Variants in FSTL5 observed in about 807,000 individuals in gnomAD.
The protein encoded by FSTL5 is follistatin-related protein 5.
Under a neutral mutation model 89.1 loss-of-function variants are expected in FSTL5, and 62 were observed. The observed-to-expected ratio is 0.70, with a 90% CI of 0.57 to 0.86. The LOEUF is 0.86. Ranked by LOEUF, FSTL5 falls within the 40% of genes least tolerant of loss-of-function variation. The pLI is 0.00. For synonymous variants in FSTL5, 383 were observed against 346.2 expected, an observed-to-expected ratio of 1.11 and a Z score of -1.18; for missense variants, 1,057 against 1,001.6, an observed-to-expected ratio of 1.06 and a Z score of -0.75.
At chr4:162,140,815 G>T (rs2111479944) in intron 1 of FSTL5, among the ~76,000 whole-genome samples, 1 of 152,244 alleles carries the variant, frequency 6.6e-6, no homozygotes, top group Non-Finnish European at 1.5e-5. Context: ...TTAAAGAATT[G>T]CTGGAGAATC....
chr4:161,806,672 C>T (rs1052861854), intron 4 of FSTL5, among the ~76,000 whole-genome samples: 1 of 152,058 alleles, frequency 6.6e-6, no homozygotes, highest in African/African-American at 2.4e-5. Context: ...ATAAATTATG[C>T]TTTTTGCAAC....
intron 15 of FSTL5, among the ~76,000 whole-genome samples, chr4:161,420,175 C>G (rs1322877433): frequency 6.6e-6 from 1 of 152,210 alleles, no homozygotes; most frequent in Non-Finnish European, 1.5e-5. Context: ...GATATAGACT[C>G]TCCAGGAACC....
chr4:161,655,166 A>G (rs1736472337), intron 7 of FSTL5, among the ~76,000 whole-genome samples: 1 of 152,170 alleles, frequency 6.6e-6, no homozygotes, highest in Non-Finnish European at 1.5e-5. Context: ...TTTCTCAACC[A>G]TAAGGGCATT....
At chr4:161,785,412 A>G (rs1741868242) in intron 4 of FSTL5, among the ~76,000 whole-genome samples, 2 of 152,176 alleles carry the variant, frequency 1.3e-5, no homozygotes, top group South Asian at 4.1e-4. Flanking sequence ...CCTTTGGTTG[A>G]TAAGGTTTTT....
chr4:161,534,450 A>ACAATTGAAACTACACAATTGAAACTACAC (rs1731525195), intron 10 of FSTL5, among the ~76,000 whole-genome samples: 2 of 152,184 alleles, frequency 1.3e-5, no homozygotes, highest in Admixed American at 6.5e-5. Context: ...GTTGAGAACC[A>ACAATTGAAACTACACAATTGAAACTACAC]AATTGAAAAC....
chr4:161,744,523 T>C (rs1467390679), intron 6 of FSTL5, among the ~76,000 whole-genome samples: 4 of 152,136 alleles, frequency 2.6e-5, no homozygotes, highest in South Asian at 2.1e-4. Context: ...AATTCTACCA[T>C]ATATAAATAT....
chr4:162,054,804 AGGG>A (rs1273783344), intron 2 of FSTL5, among the ~76,000 whole-genome samples: 3 of 151,884 alleles, frequency 2.0e-5, no homozygotes, highest in Non-Finnish European at 4.4e-5. Context: ...TGTAATGTTC[AGGG>A]ATACAGTGTA....
At chr4:162,030,180 A>C (rs925663542) in intron 3 of FSTL5, among the ~76,000 whole-genome samples, 8 of 152,116 alleles carry the variant, frequency 5.3e-5, no homozygotes, top group African/African-American at 1.9e-4. Flanking sequence ...TTGGTCTCCC[A>C]AAGTGCTGAG....
At chr4:161,615,465 A>G (rs1397028716) in intron 7 of FSTL5, among the ~76,000 whole-genome samples, 8 of 148,620 alleles carry the variant, frequency 5.4e-5, no homozygotes, top group African/African-American at 2.5e-5. Context: ...AAAAAAAAAG[A>G]AAGAAAAAGA....
intron 3 of FSTL5, among the ~76,000 whole-genome samples, chr4:162,015,200 G>A (rs183774369): frequency 6.6e-6 from 1 of 152,288 alleles, no homozygotes; most frequent in Admixed American, 6.5e-5. Flanking sequence ...ATAAATGTTA[G>A]TCCACTGAAG....
chr4:161,493,154 G>C (rs1341057819), intron 12 of FSTL5, among the ~76,000 whole-genome samples: 2 of 151,414 alleles, frequency 1.3e-5, no homozygotes, highest in Non-Finnish European at 3.0e-5. Flanking sequence ...GAAATGTTGA[G>C]AAAAATAAAA....
intron 4 of FSTL5, among the ~76,000 whole-genome samples, chr4:161,858,677 T>C (rs1348528407): frequency 6.6e-6 from 1 of 152,226 alleles, no homozygotes; most frequent in Non-Finnish European, 1.5e-5. Context: ...TCTCATTATA[T>C]TAGCTCTGCA....
At chr4:162,044,800 T>A (rs1738109452) in intron 2 of FSTL5, among the ~76,000 whole-genome samples, 1 of 152,192 alleles carries the variant, frequency 6.6e-6, no homozygotes, top group African/African-American at 2.4e-5. Flanking sequence ...ACAGCTTCTT[T>A]CCTTAAGCCA....
chr4:161,437,365 G>A (rs939917116), intron 15 of FSTL5, among the ~76,000 whole-genome samples: 1 of 151,988 alleles, frequency 6.6e-6, no homozygotes, highest in Non-Finnish European at 1.5e-5. Flanking sequence ...AGGAGATCGA[G>A]ACCATCCTGG....
chr4:161,772,869 AAAG>A (rs1741257761), intron 5 of FSTL5, among the ~76,000 whole-genome samples: 1 of 152,204 alleles, frequency 6.6e-6, no homozygotes, highest in Non-Finnish European at 1.5e-5. Context: ...TGGAACCAAA[AAAG>A]AGCCTGCATA....
intron 6 of FSTL5, among the ~76,000 whole-genome samples, chr4:161,669,864 A>G (rs905266586): frequency 1.3e-5 from 2 of 152,138 alleles, no homozygotes; most frequent in African/African-American, 4.8e-5. Context: ...CTTTGGTTAT[A>G]TTATTACATA....
chr4:161,584,560 A>G (rs1733542726), intron 8 of FSTL5, among the ~76,000 whole-genome samples: 1 of 152,366 alleles, frequency 6.6e-6, no homozygotes, highest in Admixed American at 6.5e-5. Flanking sequence ...CAGCTACTGC[A>G]AAGTTCTCTC....
chr4:162,040,989 A>G (rs1737930149), intron 2 of FSTL5, among the ~76,000 whole-genome samples: 1 of 152,014 alleles, frequency 6.6e-6, no homozygotes, highest in Non-Finnish European at 1.5e-5. Context: ...TTTCCAACAG[A>G]GTCTTTGAAC....
chr4:161,730,186 C>T (rs1401504261), intron 6 of FSTL5, among the ~76,000 whole-genome samples: 1 of 151,970 alleles, frequency 6.6e-6, no homozygotes, highest in Non-Finnish European at 1.5e-5. Context: ...AGCTTGTTTG[C>T]ACTTTATATG....
Sources: gnomAD v4.1 joint callset for allele counts (sites outside exome capture counted in the v4.1 genomes callset) on GRCh38, gnomAD v4.1.1 for gene constraint, MANE v1.5 for transcripts, NCBI Gene and HGNC (gene_info 2026-07-23, HGNC 2026-07-21) for gene names.